SCAP: variants seen among roughly 807,000 people sequenced by gnomAD.
SCAP encodes sterol regulatory element-binding protein cleavage-activating protein.
In SCAP, 65 loss-of-function variants were observed where a neutral mutation model predicts 123.6. The observed-to-expected ratio is 0.53, with a 90% CI of 0.43 to 0.65. The LOEUF (loss-of-function observed/expected upper bound fraction) is 0.65, where lower values mean the gene tolerates loss of function less well. Among genes scored for constraint, SCAP ranks in the 30% least tolerant of loss-of-function variants. The pLI is 0.00. For missense variants in SCAP, 1,398 were observed against 1,712.5 expected, an observed-to-expected ratio of 0.82 and a Z score of 3.24; for synonymous variants, 740 against 726.3, an observed-to-expected ratio of 1.02 and a Z score of -0.30.
chr3:47,419,646 T>C lies in SCAP; in HGVS notation c.1622A>G (p.Asn541Ser). Residue 541 changes from asparagine (N) to serine (S), a missense_variant, in exon 13 of 23, where the codon AAC becomes AGC. Asn to Ser is a conservative substitution (Grantham distance 46). Transcript: ENST00000265565. The surrounding 1 kb of genome is among the most constrained non-coding windows in gnomAD (Gnocchi z 5.0). ...LVYTDPAGLR[N>S]YLAAQVTEQS... is the part of the protein sequence containing the mutation. ...TTCCGTCACCTGGGCAGCGAGGTAG[T>C]TGCGCAGCCCTGCTGGGTCTGTGTA... The C allele has an allele frequency of 6.4e-7, 1 of 1,566,988 alleles. No individual in the cohort carries two copies. Among genetic ancestry groups the C allele is most frequent in the Middle Eastern group, 1.7e-4 (1 of 5,808 alleles).
At chr3:47,459,759 C>T (rs191704104) in intron 1 of SCAP, among the ~76,000 whole-genome samples, 14 of 152,128 alleles carry the variant, frequency 9.2e-5, no homozygotes, top group African/African-American at 2.7e-4. Flanking sequence ...CAGCTGTGCA[C>T]GTATTGTCTT....
Position 47,418,657 on chromosome 3 carries a change from G to A in SCAP, c.2127C>T (p.Tyr709=). 1.8e-6 allele frequency: 2 copies of A among 1,134,752 alleles called. No individual in the cohort carries two copies. The highest frequency in any genetic ancestry group is 2.5e-6 in the Non-Finnish European group (2 of 806,774). 70.3% of individuals were successfully genotyped at this position (1,134,752 alleles called of 1,614,324 possible). A position where few individuals can be genotyped will look rare whatever the true frequency, so the allele number is the denominator to read the frequency against. The change falls in exon 14 of 23, where the codon TAC becomes TAT. Residue 709 remains tyrosine, a splice_region_variant and synonymous_variant. Transcript: ENST00000265565. ...GVQAHGDVTL[Y]KVAALGLATG... Reference sequence around the variant, plus strand: ...CCCACCCCACCCAGCAGCCTTACTTGTACAGCGTGACGTCTCCATGGGCCT... The same window carrying A: ...CCCACCCCACCCAGCAGCCTTACTTATACAGCGTGACGTCTCCATGGGCCT...
chr3:47,436,199 A>T (rs1322132601), intron 2 of SCAP, among the ~76,000 whole-genome samples: 3 of 152,236 alleles, frequency 2.0e-5, no homozygotes, highest in African/African-American at 7.2e-5. Flanking sequence ...CAGATAGCTA[A>T]GCAACTATTC....
intron 10 of SCAP, chr3:47,421,290 C>T (rs1269473406): frequency 6.4e-6 from 3 of 466,330 alleles, no homozygotes; most frequent in South Asian, 4.1e-5. Flanking sequence ...CTGAATCTTC[C>T]GGTCCCTCTA....
Position 47,451,668 on chromosome 3 carries a change from G to A in SCAP, c.-98-8577C>T, listed in dbSNP as rs144403056. Among the ~76,000 whole-genome samples, 172 of 123,538 alleles carry A rather than the reference G, an allele frequency of 1.4e-3. 49 individuals carry two copies. In the Middle Eastern group the frequency reaches 0.023, roughly 16 times the overall value. The allele number at this position is 123,538 out of a possible 152,430, so 81.0% of individuals were successfully genotyped here. ...CCTGCCTCAGCCTCCCAAAGAGTTG[G>A]GATTACAGGCTGAGCCACCCACCAT... On this transcript the variant is annotated intron_variant, in intron 1 of 22. Coordinates refer to ENST00000265565, the MANE Select transcript of SCAP (RefSeq NM_012235.4).
At position 47,418,458 on chromosome 3, in the gene SCAP, C is replaced by T. The variant is rs767756854; in HGVS notation, c.2194G>A (p.Val732Met). 1.1e-5 allele frequency: 17 copies of T among 1,597,632 alleles called. 1 individual carries two copies. The highest frequency in any genetic ancestry group is 5.1e-5 in the Admixed American group (3 of 58,524). ...TGCCCGTAGTTGCGCGGGCATAGCA[C>T]GCGGTAGAGGCAGAGCAGCAGCAGC... ...LVLLLLCLYR[V>M]LCPRNYGQLG... The change falls in exon 15 of 23, where the codon GTG (valine) becomes ATG (methionine). Residue 732 changes from valine to methionine, a missense_variant. Coordinates refer to ENST00000265565, the MANE Select transcript of SCAP (RefSeq NM_012235.4).
chr3:47,441,146 C>T (rs555332953), intron 2 of SCAP, among the ~76,000 whole-genome samples: 8 of 152,134 alleles, frequency 5.3e-5, no homozygotes, highest in East Asian at 1.9e-4. Flanking sequence ...GTGATCTGCC[C>T]GCCTCGGCCT....
In SCAP at chr3:47,420,518, C is replaced by A; in HGVS notation, c.1563+36G>T. ...CAAGGGGCCTGGAGCACCGGCCCTC[C>A]AGAAGAGGGCAGGGCAGGGCAGGGG... On this transcript the variant is annotated intron_variant, in intron 12 of 22. Transcript: ENST00000265565. The surrounding 1 kb of genome is among the most constrained non-coding windows in gnomAD (Gnocchi z 5.0). 6.5e-7 allele frequency: 1 copy of A among 1,533,810 alleles called. No individual in the cohort carries two copies. The highest frequency in any genetic ancestry group is 8.8e-7 in the Non-Finnish European group (1 of 1,132,890).
At chr3:47,417,101 G>C (rs756948514) in intron 18 of SCAP, 21 bp downstream of exon 18, 1 of 1,609,540 alleles carries the variant, frequency 6.2e-7, no homozygotes. Context: ...GACATCTGGG[G>C]CTGAGGCAGG....
intron 7 of SCAP, 82 bp from the exon 8 acceptor site, chr3:47,425,693 A>C: frequency 1.3e-6 from 2 of 1,488,486 alleles, no homozygotes; most frequent in Non-Finnish European, 1.8e-6. Flanking sequence ...GGTTGCCCTG[A>C]CAGTCGAGGA....
At chr3:47,423,578 G>C (rs1706001678) in intron 9 of SCAP, among the ~76,000 whole-genome samples, 1 of 152,186 alleles carries the variant, frequency 6.6e-6, no homozygotes, top group African/African-American at 2.4e-5. Context: ...ATCTTTTGTA[G>C]ACATGGGGTT....
chr3:47,448,002 C>CAAAAAAA (rs35075035), intron 1 of SCAP, among the ~76,000 whole-genome samples: 5 of 66,306 alleles, frequency 7.5e-5, no homozygotes, highest in Admixed American at 2.6e-4. Context: ...GACTCCGTCT[C>CAAAAAAA]AAAAAAAAAA....
At chr3:47,468,512 T>G (rs996305375) in intron 1 of SCAP, among the ~76,000 whole-genome samples, 2 of 152,224 alleles carry the variant, frequency 1.3e-5, no homozygotes, top group African/African-American at 4.8e-5. Context: ...TGCATAAATG[T>G]CTTCTTTTGA....
chr3:47,448,002 C>CAAA lies in SCAP; in HGVS notation c.-98-4914_-98-4912dup, dbSNP rs35075035. ...CCTGGGCAAGAGGGAGACTCCGTCT[C>CAAA]AAAAAAAAAAAAAAAAAAAAAAAAA... On this transcript the variant is annotated intron_variant, in intron 1 of 22. Transcript: ENST00000265565. Among the ~76,000 whole-genome samples, 118 of 66,318 alleles carry CAAA rather than the reference C, an allele frequency of 1.8e-3. 6 individuals carry two copies. The highest frequency in any genetic ancestry group is 4.6e-3 in the African/African-American group (69 of 14,852). 43.5% of individuals were successfully genotyped at this position (66,318 alleles called of 152,430 possible).
chr3:47,468,754 T>C (rs1169400976), intron 1 of SCAP, among the ~76,000 whole-genome samples: 5 of 152,230 alleles, frequency 3.3e-5, no homozygotes, highest in African/African-American at 1.2e-4. Flanking sequence ...TTGGCTTTTG[T>C]TGCCATTGCT....
chr3:47,419,494 T>A lies in SCAP; in HGVS notation c.1774A>T (p.Thr592Ser), dbSNP rs1274503969. The change falls in exon 13 of 23, where the codon ACG (threonine) becomes TCG (serine). Residue 592 changes from threonine to serine, a missense_variant. This residue lies in a region of SCAP where 828 missense variants were observed against 882.5 expected (regional missense o/e 0.94). Transcript: ENST00000265565. The surrounding 1 kb of genome is among the most constrained non-coding windows in gnomAD (Gnocchi z 5.0). ...CGCTCAGGTGACTCGCCTGGCGACG[T>A]CTGGTTCTCAGGTAGCTTAGGGGCA... ...PDAPKLPENQ[T>S]SPGESPERGG... 1 of 1,613,966 alleles carries A rather than the reference T, an allele frequency of 6.2e-7. No homozygotes were observed. Among genetic ancestry groups the A allele is most frequent in the Admixed American group, 1.7e-5 (1 of 60,022 alleles).
intron 9 of SCAP, among the ~76,000 whole-genome samples, chr3:47,423,724 G>A (rs2107804643): frequency 6.6e-6 from 1 of 152,348 alleles, no homozygotes; most frequent in African/African-American, 2.4e-5. Flanking sequence ...ACATGAACCA[G>A]GACGAAGTAC....
At position 47,420,559 on chromosome 3, in the gene SCAP, T is replaced by G; in HGVS notation, c.1558A>C (p.Ile520Leu). 6.3e-7 allele frequency: 1 copy of G among 1,599,496 alleles called. No homozygotes were observed. Among genetic ancestry groups the G allele is most frequent in the Non-Finnish European group, 8.5e-7 (1 of 1,173,046 alleles). The change falls in exon 12 of 23, where the codon ATC becomes CTC. Residue 520 changes from isoleucine (I) to leucine (L), a missense_variant. Ile to Leu is a conservative substitution (Grantham distance 5). This residue lies in a region of SCAP where 828 missense variants were observed against 882.5 expected (regional missense o/e 0.94). Coordinates refer to ENST00000265565, the MANE Select transcript of SCAP (RefSeq NM_012235.4). The surrounding 1 kb of genome is among the most constrained non-coding windows in gnomAD (Gnocchi z 5.0). ...AGGGCAGGGGTGGCAGGTACCATGA[T>G]GAGGCGCTGTGCCAGGCGGGTGCGG... ...LARTRLAQRLIMAGTVVWIGI... is the reference protein window; with the variant it reads ...LARTRLAQRLLMAGTVVWIGI...
intron 18 of SCAP, 38 bp downstream of exon 18, chr3:47,417,084 G>A (rs1323251309): frequency 3.8e-6 from 6 of 1,586,152 alleles, no homozygotes; most frequent in Non-Finnish European, 5.2e-6. Flanking sequence ...AGCCAACAAA[G>A]GCTGGGGACA....
Sources: allele counts gnomAD v4.1 joint callset (sites outside exome capture counted in the v4.1 genomes callset), GRCh38; gene constraint gnomAD v4.1.1; regional missense constraint gnomAD v4.1.1; non-coding constraint Gnocchi (gnomAD v3.1); transcripts MANE v1.5; gene names NCBI Gene and HGNC (gene_info 2026-07-23, HGNC 2026-07-21).